Variants in SNX30 observed in about 807,000 individuals in gnomAD.
SNX30 encodes sorting nexin family member 30.
SNX30 carries 24 observed loss-of-function variants against 46.4 expected under a neutral mutation model. The ratio of observed to expected loss-of-function variants is 0.52; its 90% CI spans 0.37 to 0.73. SNX30 has a LOEUF of 0.73. Ranked by LOEUF, SNX30 falls within the 30% of genes least tolerant of loss-of-function variation. The probability of loss-of-function intolerance (pLI) is 0.00; values close to 1 mark genes in which losing one functional copy is unlikely to be tolerated. For missense variants in SNX30, 533 were observed against 555.7 expected (o/e 0.96, Z 0.41); for synonymous variants, 189 against 211.5 (o/e 0.89, Z 0.92).
chr9:112,840,163 A>G (rs1328852008), intron 6 of SNX30, among the ~76,000 whole-genome samples: 1 of 152,220 alleles, frequency 6.6e-6, no homozygotes, highest in Non-Finnish European at 1.5e-5. Context: ...TTGAATTTGG[A>G]TCTCTCAGTG....
At chr9:112,778,189 CT>C (rs1839779775) in intron 1 of SNX30, among the ~76,000 whole-genome samples, 1 of 150,996 alleles carries the variant, frequency 6.6e-6, no homozygotes, top group Non-Finnish European at 1.5e-5. Context: ...AATGAGCATT[CT>C]AAGAGTCAGG....
Position 112,869,363 on chromosome 9 carries a change from C to T in SNX30, c.*520C>T, listed in dbSNP as rs180682826. Reference sequence around the variant, plus strand: ...TGGTGCCTCCCTGGCAAGTCCTTAACGTACAGTACCTGTAGCTGTGAGTGT... The same window carrying T: ...TGGTGCCTCCCTGGCAAGTCCTTAATGTACAGTACCTGTAGCTGTGAGTGT... On this transcript the variant is annotated 3_prime_UTR_variant, in exon 9 of 9. Transcript: ENST00000374232. 3.7e-4 allele frequency: 64 copies of T among 173,186 alleles called. No individual in the cohort carries two copies. The highest frequency in any genetic ancestry group is 1.2e-3 in the African/African-American group (50 of 42,432). 10.7% of individuals were successfully genotyped at this position (173,186 alleles called of 1,614,324 possible). A position where few individuals can be genotyped will look rare whatever the true frequency, so the allele number is the denominator to read the frequency against.
chr9:112,836,132 A>G (rs1301218998), intron 4 of SNX30, 82 bp from the exon 5 acceptor site: 1 of 1,310,634 alleles, frequency 7.6e-7, no homozygotes, highest in East Asian at 2.4e-5. Flanking sequence ...TCCAAACTGA[A>G]GCTGCTTTTA....
intron 1 of SNX30, among the ~76,000 whole-genome samples, chr9:112,774,880 G>T (rs1454646584): frequency 1.5e-5 from 2 of 129,326 alleles, no homozygotes; most frequent in East Asian, 4.5e-4. Flanking sequence ...GTCTTGCTCT[G>T]TTGCCCAGGC....
At chr9:112,794,228 C>A (rs1840071975) in intron 1 of SNX30, among the ~76,000 whole-genome samples, 1 of 152,046 alleles carries the variant, frequency 6.6e-6, no homozygotes. Context: ...TCTCAGGTCA[C>A]TGCACCCGCC....
intron 1 of SNX30, among the ~76,000 whole-genome samples, chr9:112,796,845 G>C (rs982039901): frequency 1.8e-4 from 28 of 152,198 alleles, no homozygotes; most frequent in African/African-American, 6.5e-4. Flanking sequence ...CCCGTCATCA[G>C]CTAGAGCTCA....
rs56385707 is a variant in SNX30, at chr9:112,834,882, A to ACGCACC, written c.619-1331_619-1330insGCACCC. Among the ~76,000 whole-genome samples, 428 of 105,352 alleles carry ACGCACC rather than the reference A, an allele frequency of 4.1e-3. 9 individuals carry two copies. Among genetic ancestry groups the ACGCACC allele is most frequent in the African/African-American group, 0.012 (417 of 33,784 alleles). 69.1% of individuals were successfully genotyped at this position (105,352 alleles called of 152,430 possible). On this transcript the variant is annotated intron_variant, in intron 4 of 8. Coordinates refer to ENST00000374232, the MANE Select transcript of SNX30 (RefSeq NM_001012994.2). ...CACACACACACACACACACACACAC[A>ACGCACC]CCTACCTCAATAGGAAAGGCTGGAT...
intron 2 of SNX30, among the ~76,000 whole-genome samples, chr9:112,817,483 G>A (rs572969338): frequency 1.5e-5 from 2 of 135,302 alleles, no homozygotes; most frequent in Admixed American, 8.5e-5. Context: ...GTGCAATCTC[G>A]GAAAACTGGC....
At chr9:112,875,699 T>G (rs1254696279), downstream of SNX30, 1 of 152,244 alleles carries the variant, frequency 6.6e-6, no homozygotes, top group Non-Finnish European at 1.5e-5. Flanking sequence ...ATTTAAATAT[T>G]AAGGCTATTA....
At position 112,762,767 on chromosome 9, in the gene SNX30, G is replaced by A. The variant is rs549170949; in HGVS notation, c.156+11610G>A. Among the ~76,000 whole-genome samples, 23 of 152,352 alleles carry A rather than the reference G, an allele frequency of 1.5e-4. No individual in the cohort carries two copies. In the South Asian group the frequency reaches 2.9e-3, roughly 19 times the overall value. On this transcript the variant is annotated intron_variant, in intron 1 of 8. Coordinates refer to ENST00000374232, the MANE Select transcript of SNX30 (RefSeq NM_001012994.2). ...ACTGGCATTAGAGGAGCAAGGCAGCGAGACAGGGAAGGGAAGGCAATCAGC... is the reference window on the plus strand; with the variant it reads ...ACTGGCATTAGAGGAGCAAGGCAGCAAGACAGGGAAGGGAAGGCAATCAGC...
At chr9:112,838,761 A>G (rs1588134073) in intron 6 of SNX30, 64 bp downstream of exon 6, 2 of 1,478,294 alleles carry the variant, frequency 1.4e-6, no homozygotes, top group East Asian at 4.5e-5. Flanking sequence ...TCAGAAAGTA[A>G]TGGATTATTG....
At chr9:112,804,024 G>C (rs1471808927) in intron 1 of SNX30, among the ~76,000 whole-genome samples, 1 of 142,810 alleles carries the variant, frequency 7.0e-6, no homozygotes, top group South Asian at 2.4e-4. Context: ...ACACTGGCCT[G>C]CGCCCACTGT....
In SNX30 at chr9:112,869,749, A is replaced by G. The variant is rs929017474; in HGVS notation, c.*906A>G. ...CTCCCCATTGTTGAGATCAGTGGGC[A>G]TATACCAAGCTCCACCCCCAGTGTC... On this transcript the variant is annotated 3_prime_UTR_variant, in exon 9 of 9. Transcript: ENST00000374232. The G allele has an allele frequency of 6.6e-6, 1 of 152,066 alleles. No individual in the cohort carries two copies. Among genetic ancestry groups the G allele is most frequent in the African/African-American group, 2.4e-5 (1 of 41,394 alleles). 9.4% of individuals were successfully genotyped at this position (152,066 alleles called of 1,614,324 possible).
At chr9:112,883,898 T>C (rs1255923410), downstream of SNX30, among the ~76,000 whole-genome samples, 1 of 152,166 alleles carries the variant, frequency 6.6e-6, no homozygotes, top group Non-Finnish European at 1.5e-5. Context: ...GGTTTCACTA[T>C]GTTGGCCAGG....
chr9:112,752,392 G>T (rs887998564), intron 1 of SNX30, among the ~76,000 whole-genome samples: 3 of 152,184 alleles, frequency 2.0e-5, no homozygotes, highest in Admixed American at 2.0e-4. Flanking sequence ...GAAGTGGGAT[G>T]ATTGCTCTGA....
chr9:112,880,960 A>G (rs1402775670), intron 5 of SNX30, among the ~76,000 whole-genome samples: 2 of 152,062 alleles, frequency 1.3e-5, no homozygotes, highest in Non-Finnish European at 2.9e-5. Flanking sequence ...TTTTTCCTGG[A>G]ATCTCTTTCC....
At chr9:112,849,996 G>T (rs549855220) in intron 6 of SNX30, among the ~76,000 whole-genome samples, 2 of 152,360 alleles carry the variant, frequency 1.3e-5, no homozygotes, top group African/African-American at 4.8e-5. Context: ...TTTCTGTTTT[G>T]CTTGGTGGGT....
chr9:112,850,537 C>T (rs191568423), intron 6 of SNX30, among the ~76,000 whole-genome samples: 66 of 152,378 alleles, frequency 4.3e-4, no homozygotes, highest in Non-Finnish European at 7.6e-4. Context: ...CACACAGTGA[C>T]GCGGAGAGTC....
intron 2 of SNX30, among the ~76,000 whole-genome samples, chr9:112,812,417 G>A (rs1055243333): frequency 6.6e-6 from 1 of 151,944 alleles, no homozygotes; most frequent in Non-Finnish European, 1.5e-5. Context: ...CACCGCACCC[G>A]GCTAATTTTT....
Sources: allele counts gnomAD v4.1 joint callset (sites outside exome capture counted in the v4.1 genomes callset), GRCh38; gene constraint gnomAD v4.1.1; transcripts MANE v1.5; gene names NCBI Gene and HGNC (gene_info 2026-07-23, HGNC 2026-07-21).